Variants in BCAS3 observed in about 807,000 individuals in gnomAD.
BCAS3 encodes the protein BCAS3 microtubule associated cell migration factor, also known as BCAS4/BCAS3 fusion.
In BCAS3, 53 loss-of-function variants were observed where a neutral mutation model predicts 116.1. The ratio of observed to expected loss-of-function variants is 0.46; its 90% confidence interval spans 0.37 to 0.57. BCAS3 has a LOEUF of 0.57. BCAS3 is among the 20% of genes least tolerant of loss of function. The pLI, the probability that BCAS3 is intolerant of heterozygous loss-of-function variation, is 0.00. For missense variants in BCAS3, 917 were observed against 1,165.4 expected (o/e 0.79, Z 3.10); for synonymous variants, 391 against 408.2 (o/e 0.96, Z 0.51).
At chr17:60,858,947 T>A (rs1488032069) in intron 7 of BCAS3, among the ~76,000 whole-genome samples, 1 of 152,212 alleles carries the variant, frequency 6.6e-6, no homozygotes, top group Non-Finnish European at 1.5e-5. Context: ...TTCTTTTTGC[T>A]TCTACAACAG....
chr17:61,330,791 C>T (rs1029155499), intron 22 of BCAS3, among the ~76,000 whole-genome samples: 1 of 152,232 alleles, frequency 6.6e-6, no homozygotes, highest in African/African-American at 2.4e-5. Flanking sequence ...TATCACTGTA[C>T]TCCATAGCAT....
At position 61,235,663 on chromosome 17, in the gene BCAS3, CTTTG is replaced by C. The variant is rs2082986035; in HGVS notation, c.2426-132659_2426-132656del. Among the ~76,000 whole-genome samples, 1 of 143,968 alleles carries C rather than the reference CTTTG, an allele frequency of 6.9e-6. No individual in the cohort carries two copies. The highest frequency in any genetic ancestry group is 7.1e-5 in the Admixed American group (1 of 14,010). 94.4% of individuals were successfully genotyped at this position (143,968 alleles called of 152,430 possible). A position where few individuals can be genotyped will look rare whatever the true frequency, so the allele number is the denominator to read the frequency against. ...AGCTTTTGACCTTTTCACCTTTAAA[CTTTG>C]TTTGAACTTGGAAAGAAGACTTTTG... On this transcript the variant is annotated intron_variant, in intron 22 of 23. Coordinates refer to ENST00000407086, the MANE Select transcript of BCAS3 (RefSeq NM_017679.5). The surrounding 1 kb of genome is among the most constrained non-coding windows in gnomAD (Gnocchi z 5.0).
chr17:61,194,647 G>A (rs895516891), intron 22 of BCAS3, among the ~76,000 whole-genome samples: 1 of 151,748 alleles, frequency 6.6e-6, no homozygotes, highest in Non-Finnish European at 1.5e-5. Context: ...GGCTGAGGCA[G>A]GAGAATCACT....
chr17:61,337,954 A>G lies in BCAS3; in HGVS notation c.2426-30373A>G, dbSNP rs1229286510. ...ATCCAGTACCCCACAGCTCTAGGGT[A>G]TTGTTAGTCTGGGTTCTGACTTAGG... On this transcript the variant is annotated intron_variant, in intron 22 of 23. Coordinates refer to ENST00000407086, the MANE Select transcript of BCAS3 (RefSeq NM_017679.5). This position sits in a 1 kb window ranked among gnomAD's most constrained non-coding sequence, Gnocchi z 4.8. Among the ~76,000 whole-genome samples, 1 of 152,178 alleles carries G rather than the reference A, an allele frequency of 6.6e-6. No individual in the cohort carries two copies. The highest frequency in any genetic ancestry group is 1.5e-5 in the Non-Finnish European group (1 of 68,028).
At chr17:60,886,553 G>GT (rs1336634321) in intron 9 of BCAS3, 1 of 151,602 alleles carries the variant, frequency 6.6e-6, no homozygotes, top group African/African-American at 2.4e-5. Flanking sequence ...TTTCTGTTCT[G>GT]TTTTTTCCCC....
intron 12 of BCAS3, among the ~76,000 whole-genome samples, chr17:60,910,951 A>G (rs2058462392): frequency 6.6e-6 from 1 of 152,042 alleles, no homozygotes; most frequent in South Asian, 2.1e-4. Flanking sequence ...CTGTGAGGAC[A>G]TTTGTTTCAT....
In BCAS3 at chr17:61,369,629, G is replaced by A. The variant is rs114655189; in HGVS notation, c.2593+1135G>A. ...GGTCCCTCCGTTCCTTCACTAAGACGTGTCATCTCCACAGCACTAGCTGTG... is the reference window on the plus strand; with the variant it reads ...GGTCCCTCCGTTCCTTCACTAAGACATGTCATCTCCACAGCACTAGCTGTG... On this transcript the variant is annotated intron_variant, in intron 23 of 23. Transcript: ENST00000407086. 4.2e-3 allele frequency among the ~76,000 whole-genome samples: 646 copies of A among 152,266 alleles called. 1 individual carries two copies. Among genetic ancestry groups the A allele is most frequent in the African/African-American group, 0.014 (562 of 41,546 alleles).
Position 61,241,447 on chromosome 17 carries a change from C to A in BCAS3, c.2426-126880C>A, listed in dbSNP as rs552950033. Among the ~76,000 whole-genome samples, 25 of 152,142 alleles carry A rather than the reference C, an allele frequency of 1.6e-4. No homozygotes were observed. The highest frequency in any genetic ancestry group is 2.9e-4 in the Non-Finnish European group (20 of 67,998). ...AATAGTTTGGGCCTGCGCAGTGGCT[C>A]ACCCCTGTAATCCCAACACTTTGGG... On this transcript the variant is annotated intron_variant, in intron 22 of 23. Coordinates refer to ENST00000407086, the MANE Select transcript of BCAS3 (RefSeq NM_017679.5). The surrounding 1 kb of genome is among the most constrained non-coding windows in gnomAD (Gnocchi z 4.6).
intron 6 of BCAS3, among the ~76,000 whole-genome samples, chr17:60,758,981 A>ATT (rs778345782): frequency 7.1e-6 from 1 of 140,768 alleles, no homozygotes; most frequent in Admixed American, 7.2e-5. Flanking sequence ...GTCTGAGAAG[A>ATT]TTTTTTTTTT....
In BCAS3 at chr17:61,249,409, A is replaced by C. The variant is rs1365205605; in HGVS notation, c.2426-118918A>C. On this transcript the variant is annotated intron_variant, in intron 22 of 23. Coordinates refer to ENST00000407086, the MANE Select transcript of BCAS3 (RefSeq NM_017679.5). This position sits in a 1 kb window ranked among gnomAD's most constrained non-coding sequence, Gnocchi z 6.2. ...TGTTCCCAGAGCAGAGCACTCCTTA[A>C]ACTAGGATGAGAAAAGTTAATTTTA... Among the ~76,000 whole-genome samples, 1 of 152,234 alleles carries C rather than the reference A, an allele frequency of 6.6e-6. No individual in the cohort carries two copies. The highest frequency in any genetic ancestry group is 1.5e-5 in the Non-Finnish European group (1 of 68,048).
At position 61,258,354 on chromosome 17, in the gene BCAS3, G is replaced by A. The variant is rs1294527200; in HGVS notation, c.2426-109973G>A. ...CGTGCCTTTAGATATCCACCATAAT[G>A]TGTAGCGTAGTTCCTAGGAGGCTGC... On this transcript the variant is annotated intron_variant, in intron 22 of 23. Transcript: ENST00000407086. This position sits in a 1 kb window ranked among gnomAD's most constrained non-coding sequence, Gnocchi z 4.7. 6.6e-6 allele frequency among the ~76,000 whole-genome samples: 1 copy of A among 152,214 alleles called. No individual in the cohort carries two copies. Among genetic ancestry groups the A allele is most frequent in the East Asian group, 1.9e-4 (1 of 5,196 alleles).
chr17:60,724,554 G>A (rs959463526), intron 5 of BCAS3, among the ~76,000 whole-genome samples: 2 of 151,220 alleles, frequency 1.3e-5, no homozygotes, highest in African/African-American at 4.9e-5. Flanking sequence ...GTGAAACCCC[G>A]TCTCTACTAA....
At chr17:60,924,977 C>T (rs940891545) in intron 13 of BCAS3, among the ~76,000 whole-genome samples, 2 of 151,190 alleles carry the variant, frequency 1.3e-5, no homozygotes, top group African/African-American at 4.9e-5. Context: ...TTTTTAGTTC[C>T]TTTTAATATA....
At chr17:60,997,257 C>T (rs1224921842) in intron 15 of BCAS3, among the ~76,000 whole-genome samples, 1 of 152,174 alleles carries the variant, frequency 6.6e-6, no homozygotes, top group African/African-American at 2.4e-5. Context: ...AGGCCACAGA[C>T]CGGTACCAGT....
At chr17:61,061,149 AG>A (rs1323643351) in intron 19 of BCAS3, among the ~76,000 whole-genome samples, 1 of 152,200 alleles carries the variant, frequency 6.6e-6, no homozygotes, top group African/African-American at 2.4e-5. Context: ...TCCTAACTAT[AG>A]GGTGAAAATG....
intron 22 of BCAS3, among the ~76,000 whole-genome samples, chr17:61,240,766 T>C (rs566027065): frequency 1.3e-5 from 2 of 152,238 alleles, no homozygotes; most frequent in South Asian, 2.1e-4. Flanking sequence ...CTAGAACAGA[T>C]TCATTTACCT....
At chr17:60,983,357 C>T (rs1232637705) in intron 14 of BCAS3, among the ~76,000 whole-genome samples, 3 of 151,954 alleles carry the variant, frequency 2.0e-5, no homozygotes, top group East Asian at 3.9e-4. Flanking sequence ...TTAATAATGT[C>T]TGAAAAACCG....
intron 19 of BCAS3, among the ~76,000 whole-genome samples, chr17:61,064,713 G>C (rs2070429696): frequency 1.3e-5 from 2 of 152,076 alleles, no homozygotes; most frequent in South Asian, 4.2e-4. Context: ...CTGTTCTTCT[G>C]GGAATGTGAC....
intron 12 of BCAS3, among the ~76,000 whole-genome samples, chr17:60,911,434 G>A (rs796981729): frequency 1.3e-5 from 2 of 152,128 alleles, no homozygotes; most frequent in South Asian, 4.1e-4. Context: ...AGGTAGCTGG[G>A]ATGTAGGTGC....
Sources: allele counts gnomAD v4.1 joint callset (sites outside exome capture counted in the v4.1 genomes callset), GRCh38; gene constraint gnomAD v4.1.1; non-coding constraint Gnocchi (gnomAD v3.1); transcripts MANE v1.5; gene names NCBI Gene and HGNC (gene_info 2026-07-23, HGNC 2026-07-21).